Variants in AGBL4 observed in about 807,000 individuals in gnomAD.
AGBL4 encodes AGBL carboxypeptidase 4, also known as cytosolic carboxypeptidase 6.
Under a neutral mutation model 66.4 loss-of-function variants are expected in AGBL4, and 58 were observed. The observed-to-expected ratio is 0.87, with a 90% CI of 0.71 to 1.09. The LOEUF (loss-of-function observed/expected upper bound fraction) is 1.09, where lower values mean the gene tolerates loss of function less well. Among genes scored for constraint, AGBL4 ranks in the 50% least tolerant of loss-of-function variants. AGBL4 has a pLI of 0.00. For missense variants in AGBL4, 579 were observed against 631.0 expected, an observed-to-expected ratio of 0.92 and a Z score of 0.88; for synonymous variants, 234 against 222.9, an observed-to-expected ratio of 1.05 and a Z score of -0.44.
intron 4 of AGBL4, among the ~76,000 whole-genome samples, chr1:49,122,346 A>C (rs1645674644): frequency 6.6e-6 from 1 of 152,236 alleles, no homozygotes; most frequent in Non-Finnish European, 1.5e-5. Context: ...ATCTTGGAAC[A>C]GACCCCACAT....
chr1:49,119,493 T>C (rs548024848), intron 4 of AGBL4, among the ~76,000 whole-genome samples: 34 of 152,324 alleles, frequency 2.2e-4, no homozygotes, highest in African/African-American at 8.2e-4. Flanking sequence ...TCAGTTTCCA[T>C]GTAGTTGTGT....
rs562514950 is a variant in AGBL4, at chr1:49,863,737, G to A, written c.35-12219C>T. ...AAAATCAACACTAGAATGTCTTCTC[G>A]CCTCTCTCAAAATGGCTAATATCAA... On this transcript the variant is annotated intron_variant, in intron 1 of 13. Coordinates refer to ENST00000371839, the MANE Select transcript of AGBL4 (RefSeq NM_032785.4). 3.4e-3 allele frequency among the ~76,000 whole-genome samples: 514 copies of A among 152,076 alleles called. 5 individuals carry two copies. The highest frequency in any genetic ancestry group is 0.012 in the African/African-American group (495 of 41,512).
chr1:49,974,174 GC>G (rs1312316442), intron 1 of AGBL4, among the ~76,000 whole-genome samples: 6 of 152,008 alleles, frequency 3.9e-5, no homozygotes, highest in Non-Finnish European at 7.4e-5. Flanking sequence ...TCAACTTAGT[GC>G]CCCATAGTAC....
At chr1:49,028,667 C>T (rs1278892322) in intron 5 of AGBL4, among the ~76,000 whole-genome samples, 2 of 152,126 alleles carry the variant, frequency 1.3e-5, no homozygotes, top group African/African-American at 2.4e-5. Context: ...AGTGAGATGA[C>T]GTATTCAAAG....
chr1:49,655,795 T>TAA (rs1166736437), intron 3 of AGBL4, among the ~76,000 whole-genome samples: 3 of 152,116 alleles, frequency 2.0e-5, no homozygotes, highest in African/African-American at 7.2e-5. Flanking sequence ...ACAAAATTGA[T>TAA]AGACTGCTAG....
chr1:48,695,805 G>A (rs772093892), intron 6 of AGBL4, among the ~76,000 whole-genome samples: 5 of 152,174 alleles, frequency 3.3e-5, no homozygotes, highest in Non-Finnish European at 7.3e-5. Context: ...CCAAGGTGCT[G>A]CAAAGACAGA....
chr1:48,933,192 G>A (rs536773855), intron 5 of AGBL4, among the ~76,000 whole-genome samples: 1 of 152,218 alleles, frequency 6.6e-6, no homozygotes, highest in South Asian at 2.1e-4. Flanking sequence ...ATATGTGTGT[G>A]TGTACATATG....
chr1:48,887,938 C>G (rs1479492847), intron 5 of AGBL4, among the ~76,000 whole-genome samples: 1 of 152,150 alleles, frequency 6.6e-6, no homozygotes, highest in Admixed American at 6.5e-5. Flanking sequence ...AATGAATGAG[C>G]AAATTAATGA....
chr1:49,564,274 T>G (rs1471600327), intron 3 of AGBL4, among the ~76,000 whole-genome samples: 1 of 152,216 alleles, frequency 6.6e-6, no homozygotes, highest in African/African-American at 2.4e-5. Context: ...GATTCACGGA[T>G]TTTTTGAAGG....
chr1:49,149,634 T>C (rs1646287423), intron 4 of AGBL4, among the ~76,000 whole-genome samples: 1 of 152,240 alleles, frequency 6.6e-6, no homozygotes, highest in African/African-American at 2.4e-5. Flanking sequence ...CATTTTTCTG[T>C]ATACTTAAGA....
chr1:49,271,516 G>GCACACACACACACACACA (rs57311875), intron 3 of AGBL4, among the ~76,000 whole-genome samples: 2 of 144,200 alleles, frequency 1.4e-5, no homozygotes, highest in African/African-American at 5.0e-5. Flanking sequence ...TTAAAAGATA[G>GCACACACACACACACACA]CACACACACA....
intron 5 of AGBL4, among the ~76,000 whole-genome samples, chr1:49,023,865 C>T (rs769145605): frequency 2.6e-5 from 4 of 152,122 alleles, no homozygotes; most frequent in Non-Finnish European, 5.9e-5. Context: ...CATGTGAGGA[C>T]ATTACCTCAA....
intron 3 of AGBL4, among the ~76,000 whole-genome samples, chr1:49,440,155 T>G (rs1645994766): frequency 6.6e-6 from 1 of 151,232 alleles, no homozygotes; most frequent in Non-Finnish European, 1.5e-5. Context: ...CTGCAAGCTG[T>G]GCTTCCTGGG....
At chr1:49,421,151 C>A (rs1645537828) in intron 3 of AGBL4, among the ~76,000 whole-genome samples, 1 of 152,158 alleles carries the variant, frequency 6.6e-6, no homozygotes, top group South Asian at 2.1e-4. Flanking sequence ...GCCTTAGTGT[C>A]TCTGTATATA....
At chr1:49,749,054 T>G (rs1461241505) in intron 2 of AGBL4, among the ~76,000 whole-genome samples, 1 of 152,234 alleles carries the variant, frequency 6.6e-6, no homozygotes, top group Non-Finnish European at 1.5e-5. Context: ...GCAATTGTTT[T>G]TGATGTTTTA....
At chr1:49,807,909 A>AGT (rs1326374719) in intron 2 of AGBL4, among the ~76,000 whole-genome samples, 2 of 152,238 alleles carry the variant, frequency 1.3e-5, no homozygotes, top group Non-Finnish European at 2.9e-5. Context: ...GTGAGGGCAC[A>AGT]GTGAGAGGGC....
At chr1:48,529,189 C>T (rs961871384), downstream of AGBL4, among the ~76,000 whole-genome samples, 2 of 151,966 alleles carry the variant, frequency 1.3e-5, no homozygotes, top group African/African-American at 2.4e-5. Context: ...AGTGTGACTG[C>T]CTTTCTTCTG....
intron 2 of AGBL4, among the ~76,000 whole-genome samples, chr1:49,784,845 T>C (rs1644414693): frequency 6.6e-6 from 1 of 151,850 alleles, no homozygotes; most frequent in African/African-American, 2.4e-5. Context: ...TTAAAAGATA[T>C]TCAACACAAT....
intron 3 of AGBL4, among the ~76,000 whole-genome samples, chr1:49,378,827 C>A (rs1305166009): frequency 6.6e-6 from 1 of 152,094 alleles, no homozygotes; most frequent in Non-Finnish European, 1.5e-5. Context: ...TAGTAATGGT[C>A]CAGCTCTATT....
Sources: allele counts gnomAD v4.1 joint callset (sites outside exome capture counted in the v4.1 genomes callset), GRCh38; gene constraint gnomAD v4.1.1; transcripts MANE v1.5; gene names NCBI Gene and HGNC (gene_info 2026-07-23, HGNC 2026-07-21).